Variants in PRKAR2B observed in about 807,000 individuals in gnomAD.
PRKAR2B encodes protein kinase cAMP-dependent type II regulatory subunit beta.
PRKAR2B carries 14 observed loss-of-function variants against 49.9 expected under a neutral mutation model. The observed-to-expected ratio is 0.28, with a 90% CI of 0.19 to 0.44. The LOEUF (loss-of-function observed/expected upper bound fraction) is 0.44, where lower values mean the gene tolerates loss of function less well. Ranked by LOEUF, PRKAR2B falls within the 20% of genes least tolerant of loss-of-function variation. The pLI, the probability that PRKAR2B is intolerant of heterozygous loss-of-function variation, is 1.00. For synonymous variants in PRKAR2B, 196 were observed against 197.7 expected (o/e 0.99, Z 0.07); for missense variants, 393 against 537.9 (o/e 0.73, Z 2.67).
intron 6 of PRKAR2B, among the ~76,000 whole-genome samples, chr7:107,147,861 A>G (rs1339583013): frequency 6.6e-6 from 1 of 152,250 alleles, no homozygotes; most frequent in African/African-American, 2.4e-5. Context: ...CTCATTTCCA[A>G]GGACTACTGT....
Position 107,119,267 on chromosome 7 carries a change from T to C in PRKAR2B, c.344-2685T>C, listed in dbSNP as rs569213268. Among the ~76,000 whole-genome samples, 507 of 152,302 alleles carry C rather than the reference T, an allele frequency of 3.3e-3. 4 individuals are homozygous for C. The highest frequency in any genetic ancestry group is 5.7e-3 in the Non-Finnish European group (386 of 68,024). On this transcript the variant is annotated intron_variant, in intron 2 of 10. Transcript: ENST00000265717. ...TTAACCAAATATCTTGCCTACTGCC[T>C]ACTGCCTACTGCACCACCTCGTTGA...
rs2115633823 is a variant in PRKAR2B at position 107,139,500 on chromosome 7, T to G, written c.481-1347T>G. On this transcript the variant is annotated intron_variant, in intron 4 of 10. Coordinates refer to ENST00000265717, the MANE Select transcript of PRKAR2B (RefSeq NM_002736.3). ...AGGTGTCAACTAATCTCTGCAGGAC[T>G]TTAAATCAGTCCGCTTGTCTTTAGC... Among the ~76,000 whole-genome samples the G allele has an allele frequency of 2.0e-5, 3 of 152,320 alleles. No homozygotes were observed. In the Middle Eastern group the frequency reaches 0.01, roughly 518 times the overall value.
chr7:107,126,251 C>CAAAAAAAAAAAAAA (rs528961832), intron 3 of PRKAR2B, among the ~76,000 whole-genome samples: 3 of 85,468 alleles, frequency 3.5e-5, no homozygotes, highest in Non-Finnish European at 7.3e-5. Context: ...ATACAAAATA[C>CAAAAAAAAAAAAAA]AAAAAAAAAA....
chr7:107,065,542 G>T (rs1043123111), intron 1 of PRKAR2B, among the ~76,000 whole-genome samples: 1 of 152,072 alleles, frequency 6.6e-6, no homozygotes, highest in East Asian at 1.9e-4. Context: ...TTCACCTGCG[G>T]TATTTCTAAA....
At chr7:107,059,023 C>T (rs1225477101) in intron 1 of PRKAR2B, among the ~76,000 whole-genome samples, 2 of 152,150 alleles carry the variant, frequency 1.3e-5, no homozygotes, top group Non-Finnish European at 2.9e-5. Context: ...CGGTGGCTCA[C>T]GCCTGTATTC....
intron 4 of PRKAR2B, among the ~76,000 whole-genome samples, chr7:107,140,133 T>A (rs1338722782): frequency 6.6e-6 from 1 of 152,230 alleles, no homozygotes. Flanking sequence ...CCTAGTTTAT[T>A]CTCATCAGTT....
At chr7:107,142,394 A>G (rs1252144774) in intron 5 of PRKAR2B, among the ~76,000 whole-genome samples, 1 of 152,088 alleles carries the variant, frequency 6.6e-6, no homozygotes. Flanking sequence ...TTTTTATATC[A>G]TTAATAGCTA....
chr7:107,107,915 C>A (rs1795106663), intron 2 of PRKAR2B, among the ~76,000 whole-genome samples: 1 of 151,320 alleles, frequency 6.6e-6, no homozygotes, highest in Admixed American at 6.6e-5. Context: ...CTTGGCCTCC[C>A]AAAGTGTTGG....
Position 107,044,749 on chromosome 7 carries a change from C to A in PRKAR2B, c.-159C>A. ...CACGGAGCAGACGCGCGCCGGGAGC[C>A]GCGGGCCGGGCCAGCCGGGCCGCCG... On this transcript the variant is annotated 5_prime_UTR_variant, in exon 1 of 11. Transcript: ENST00000265717. The A allele has an allele frequency of 4.1e-6, 1 of 244,990 alleles. No individual in the cohort carries two copies. The highest frequency in any genetic ancestry group is 6.6e-6 in the Non-Finnish European group (1 of 150,852). The allele number at this position is 244,990 out of a possible 1,614,324, so 15.2% of individuals were successfully genotyped here. A position where few individuals can be genotyped will look rare whatever the true frequency, so the allele number is the denominator to read the frequency against.
chr7:107,092,860 G>C (rs907024021), intron 2 of PRKAR2B, among the ~76,000 whole-genome samples: 35 of 152,116 alleles, frequency 2.3e-4, no homozygotes, highest in African/African-American at 8.0e-4. Flanking sequence ...CTCCGTACCT[G>C]TTAAATACTT....
intron 1 of PRKAR2B, among the ~76,000 whole-genome samples, chr7:107,053,532 G>C (rs1322711473): frequency 7.8e-6 from 1 of 127,870 alleles, no homozygotes; most frequent in Admixed American, 7.6e-5. Flanking sequence ...AAGAGTGTGT[G>C]TGTGTGTGTG....
chr7:107,135,305 T>A (rs568510628), intron 4 of PRKAR2B, among the ~76,000 whole-genome samples: 2 of 152,298 alleles, frequency 1.3e-5, no homozygotes, highest in East Asian at 3.9e-4. Context: ...AAGTGATTAA[T>A]TTTATGTTAT....
intron 4 of PRKAR2B, among the ~76,000 whole-genome samples, chr7:107,131,823 G>A (rs1176881442): frequency 6.6e-6 from 1 of 152,136 alleles, no homozygotes; most frequent in Non-Finnish European, 1.5e-5. Context: ...AGTTTTTTAT[G>A]ATACACATTA....
intron 1 of PRKAR2B, among the ~76,000 whole-genome samples, chr7:107,048,671 G>A (rs1021107166): frequency 6.6e-6 from 1 of 152,182 alleles, no homozygotes; most frequent in Admixed American, 6.5e-5. Context: ...TGATTTTTGA[G>A]GGTCAGGTGG....
chr7:107,100,273 G>A (rs1794934428), intron 2 of PRKAR2B, among the ~76,000 whole-genome samples: 1 of 152,184 alleles, frequency 6.6e-6, no homozygotes, highest in Admixed American at 6.5e-5. Flanking sequence ...TGGCTAAATA[G>A]AGAATTCTTG....
At chr7:107,075,821 TAG>T (rs1794385659) in intron 2 of PRKAR2B, among the ~76,000 whole-genome samples, 1 of 152,184 alleles carries the variant, frequency 6.6e-6, no homozygotes, top group Non-Finnish European at 1.5e-5. Flanking sequence ...AATAAAGCCT[TAG>T]AGAGTCATAA....
At chr7:107,158,596 T>C (rs1413126164) in intron 10 of PRKAR2B, among the ~76,000 whole-genome samples, 3 of 152,144 alleles carry the variant, frequency 2.0e-5, no homozygotes, top group African/African-American at 7.2e-5. Context: ...GCTCCAACTT[T>C]TTTGTGGGGA....
intron 2 of PRKAR2B, among the ~76,000 whole-genome samples, chr7:107,112,010 A>C (rs1795182928): frequency 6.8e-6 from 1 of 146,610 alleles, no homozygotes; most frequent in Non-Finnish European, 1.5e-5. Context: ...TACCAAAAAA[A>C]AAAAAAAAAA....
chr7:107,131,430 A>G (rs1339380991), intron 4 of PRKAR2B, among the ~76,000 whole-genome samples: 3 of 152,232 alleles, frequency 2.0e-5, no homozygotes, highest in Non-Finnish European at 2.9e-5. Flanking sequence ...GGCAAGGAGC[A>G]TCTTTGCTTA....
Sources: gnomAD v4.1 joint callset for allele counts (sites outside exome capture counted in the v4.1 genomes callset) on GRCh38, gnomAD v4.1.1 for gene constraint, MANE v1.5 for transcripts, NCBI Gene and HGNC (gene_info 2026-07-23, HGNC 2026-07-21) for gene names.